Variants in PAM observed in about 807,000 individuals in gnomAD.
The protein encoded by PAM is peptidylglycine alpha-amidating monooxygenase.
Under a neutral mutation model 122.1 loss-of-function variants are expected in PAM, and 72 were observed. The ratio of observed to expected loss-of-function variants is 0.59; its 90% CI spans 0.49 to 0.72. PAM has a LOEUF of 0.72. PAM is among the 30% of genes least tolerant of loss of function. The probability of loss-of-function intolerance (pLI) is 0.00; values close to 1 mark genes in which losing one functional copy is unlikely to be tolerated. For synonymous variants in PAM, 389 were observed against 404.4 expected (o/e 0.96, Z 0.46); for missense variants, 1,106 against 1,183.7 (o/e 0.93, Z 0.96).
chr5:103,022,707 G>A (rs750658849), intron 23 of PAM, among the ~76,000 whole-genome samples: 3 of 152,114 alleles, frequency 2.0e-5, no homozygotes, highest in Non-Finnish European at 2.9e-5. Flanking sequence ...GAAACCTAGT[G>A]TTCTGGCTAA....
chr5:102,768,883 T>G (rs1244854576), intron 1 of PAM, among the ~76,000 whole-genome samples: 1 of 152,130 alleles, frequency 6.6e-6, no homozygotes, highest in Non-Finnish European at 1.5e-5. Context: ...GAAAGGACAT[T>G]ACTGAATCTT....
Position 102,926,547 on chromosome 5 carries a change from C to T in PAM, c.443-38C>T, listed in dbSNP as rs762191543. ...TTTGAGATTAACTCCATTTTAGATG[C>T]TCATTTCTAATATATTAACTTTTTT... On this transcript the variant is annotated intron_variant, in intron 6 of 25. Coordinates refer to ENST00000438793, the MANE Select transcript of PAM (RefSeq NM_001177306.2). 3.5e-6 allele frequency: 4 copies of T among 1,143,224 alleles called. No individual in the cohort carries two copies. In the Admixed American group the frequency reaches 6.8e-5, roughly 19 times the overall value. The allele number at this position is 1,143,224 out of a possible 1,614,324, so 70.8% of individuals were successfully genotyped here. A position where few individuals can be genotyped will look rare whatever the true frequency, so the allele number is the denominator to read the frequency against.
chr5:102,941,900 A>G (rs73175479), intron 7 of PAM, among the ~76,000 whole-genome samples: 17 of 151,290 alleles, frequency 1.1e-4, no homozygotes, highest in African/African-American at 4.1e-4. Flanking sequence ...GTTTCATTCA[A>G]CGTCTCTAAT....
intron 1 of PAM, among the ~76,000 whole-genome samples, chr5:102,764,139 A>G (rs1446648515): frequency 1.3e-5 from 2 of 151,108 alleles, no homozygotes; most frequent in Non-Finnish European, 2.9e-5. Flanking sequence ...ATATTTAGCG[A>G]CTCCCTACTT....
At chr5:102,967,480 T>C (rs566884413) in intron 14 of PAM, among the ~76,000 whole-genome samples, 2 of 152,306 alleles carry the variant, frequency 1.3e-5, no homozygotes, top group South Asian at 4.1e-4. Context: ...TAACAAATTA[T>C]TATTCATCCC....
At chr5:102,916,168 C>A (rs1375433453) in intron 5 of PAM, among the ~76,000 whole-genome samples, 2 of 152,050 alleles carry the variant, frequency 1.3e-5, no homozygotes, top group Non-Finnish European at 2.9e-5. Flanking sequence ...AAGACTTATA[C>A]TAGGCCATTT....
intron 12 of PAM, among the ~76,000 whole-genome samples, chr5:102,959,452 T>G (rs189741352): frequency 1.2e-3 from 182 of 152,244 alleles, no homozygotes; most frequent in African/African-American, 4.2e-3. Context: ...ATGATAATTA[T>G]ATTGAAGGTT....
At chr5:103,016,718 C>A (rs1782121325) in intron 21 of PAM, among the ~76,000 whole-genome samples, 1 of 152,186 alleles carries the variant, frequency 6.6e-6, no homozygotes, top group Non-Finnish European at 1.5e-5. Flanking sequence ...CACTCAATTT[C>A]TTTCCTTTGC....
chr5:102,961,368 C>A, intron 14 of PAM, 139 bp downstream of exon 14: 1 of 527,748 alleles, frequency 1.9e-6, no homozygotes, highest in Non-Finnish European at 3.5e-6. Context: ...TTATACAATG[C>A]ATAATTCATG....
At chr5:102,844,931 CTAGCAGATA>C (rs1367040609) in intron 1 of PAM, among the ~76,000 whole-genome samples, 1 of 152,352 alleles carries the variant, frequency 6.6e-6, no homozygotes, top group East Asian at 1.9e-4. Context: ...TTTCTCCAGA[CTAGCAGATA>C]TAATTGAGAT....
intron 12 of PAM, among the ~76,000 whole-genome samples, chr5:102,956,241 A>G (rs1006979203): frequency 1.3e-5 from 2 of 152,126 alleles, no homozygotes; most frequent in East Asian, 1.9e-4. Context: ...TGTGTATCAA[A>G]TTAACACATA....
intron 1 of PAM, among the ~76,000 whole-genome samples, chr5:102,846,829 C>T (rs900807430): frequency 5.3e-5 from 8 of 152,176 alleles, no homozygotes; most frequent in Admixed American, 6.5e-5. Context: ...TTAGCTTGCT[C>T]GTAGCTTTGC....
chr5:102,794,554 G>GAA (rs36113432), intron 1 of PAM, among the ~76,000 whole-genome samples: 8 of 151,438 alleles, frequency 5.3e-5, no homozygotes, highest in African/African-American at 1.9e-4. Flanking sequence ...AAGGTTAGGT[G>GAA]AAAAAAAAGA....
intron 4 of PAM, among the ~76,000 whole-genome samples, chr5:102,907,433 C>T (rs1410684276): frequency 2.0e-5 from 3 of 151,328 alleles, no homozygotes; most frequent in South Asian, 2.1e-4. Flanking sequence ...AATAAACATA[C>T]GTGTGCTTGT....
At chr5:102,910,297 AC>A (rs1260177912) in intron 4 of PAM, among the ~76,000 whole-genome samples, 5 of 151,856 alleles carry the variant, frequency 3.3e-5, no homozygotes, top group Non-Finnish European at 7.4e-5. Flanking sequence ...CAGGATTTAG[AC>A]CTAGACATCT....
intron 1 of PAM, among the ~76,000 whole-genome samples, chr5:102,853,897 G>T (rs975344045): frequency 2.6e-5 from 4 of 152,222 alleles, no homozygotes; most frequent in Admixed American, 2.6e-4. Flanking sequence ...CTATTGGTTT[G>T]AATTATATGT....
intron 3 of PAM, among the ~76,000 whole-genome samples, chr5:102,884,612 A>G (rs949624445): frequency 6.6e-6 from 1 of 151,916 alleles, no homozygotes; most frequent in Admixed American, 6.6e-5. Flanking sequence ...TCTTTGTTTC[A>G]CTTATTTTCA....
chr5:103,025,847 A>C (rs1197498365), intron 24 of PAM, among the ~76,000 whole-genome samples: 1 of 152,216 alleles, frequency 6.6e-6, no homozygotes, highest in Admixed American at 6.5e-5. Flanking sequence ...AAGGTTGTAC[A>C]AAGATGAAAT....
chr5:102,855,918 A>G (rs1395318360), intron 1 of PAM, among the ~76,000 whole-genome samples: 2 of 152,184 alleles, frequency 1.3e-5, no homozygotes, highest in Non-Finnish European at 2.9e-5. Flanking sequence ...AAAGACCCAC[A>G]AAAGAAGCAG....
Sources: gnomAD v4.1 joint callset for allele counts (sites outside exome capture counted in the v4.1 genomes callset) on GRCh38, gnomAD v4.1.1 for gene constraint, MANE v1.5 for transcripts, NCBI Gene and HGNC (gene_info 2026-07-23, HGNC 2026-07-21) for gene names.